ACP2: variants seen among roughly 807,000 people sequenced by gnomAD.
ACP2 encodes the protein lysosomal acid phosphatase.
In ACP2, 35 loss-of-function variants were observed where a neutral mutation model predicts 54.7. That is an observed-to-expected ratio of 0.64 (90% CI 0.49 to 0.85). ACP2 has a LOEUF of 0.85. Among genes scored for constraint, ACP2 ranks in the 40% least tolerant of loss-of-function variants. The probability of loss-of-function intolerance (pLI) is 0.00; values close to 1 mark genes in which losing one functional copy is unlikely to be tolerated. For synonymous variants in ACP2, 210 were observed against 224.4 expected, an observed-to-expected ratio of 0.94 and a Z score of 0.57; for missense variants, 492 against 565.0, an observed-to-expected ratio of 0.87 and a Z score of 1.31.
At chr11:47,247,336 C>T in intron 3 of ACP2, 1 of 477,276 alleles carries the variant, frequency 2.1e-6, no homozygotes, top group East Asian at 4.1e-5. Context: ...CAGTCCTTGG[C>T]CTTTAATAGG....
Position 47,248,697 on chromosome 11 carries a change from C to G in ACP2, c.93G>C (p.Arg31=), listed in dbSNP as rs778545443. Residue 31 remains arginine (R), a synonymous_variant, in exon 1 of 11, where the codon CGG becomes CGC. Coordinates refer to ENST00000672073, the MANE Select transcript of ACP2 (RefSeq NM_001610.4). The part of the protein sequence containing the change: ...NLVVMPPTRA[R]SLRFVTLLYR... ...TTACCAAGGTAACGAAGCGCAGACT[C>G]CGGGCCCGGGTGGGCGGCATCACCA... 9.9e-6 allele frequency: 16 copies of G among 1,612,046 alleles called. No individual in the cohort carries two copies. The East Asian group carries it at 3.6e-4, about 36-fold the overall frequency.
chr11:47,245,029 T>G, intron 6 of ACP2, 162 bp from the exon 7 acceptor site: 1 of 1,348,848 alleles, frequency 7.4e-7, no homozygotes, highest in Non-Finnish European at 1.0e-6. Flanking sequence ...TGTGGATGCT[T>G]CAGGGCACAG....
chr11:47,248,474 G>C, intron 1 of ACP2: 1 of 1,548,396 alleles, frequency 6.5e-7, no homozygotes, highest in South Asian at 1.2e-5. Context: ...CCTGTCTCAA[G>C]GCAGACTCAC....
In ACP2 at chr11:47,244,837, C is replaced by T; in HGVS notation, c.670G>A (p.Ala224Thr). The change falls in exon 7 of 11, where the codon GCC (alanine) becomes ACC (threonine). Residue 224 changes from alanine (A) to threonine (T), a missense_variant. Transcript: ENST00000672073. Reference sequence around the variant, plus strand: ...AGACGCTGCATGGTTTGGGGTGAGGCCCAGGGCGGCAGGCGCAGCCCGTGC... The same window carrying T: ...AGACGCTGCATGGTTTGGGGTGAGGTCCAGGGCGGCAGGCGCAGCCCGTGC... Reference protein sequence around the residue: ...QTHGLRLPPWASPQTMQRLSR... With the variant: ...QTHGLRLPPWTSPQTMQRLSR... 6.2e-7 allele frequency: 1 copy of T among 1,611,042 alleles called. No individual in the cohort carries two copies. Among genetic ancestry groups the T allele is most frequent in the Non-Finnish European group, 8.5e-7 (1 of 1,177,724 alleles).
At chr11:47,248,172 T>TC (rs1363895775) in intron 1 of ACP2, 39 bp from the exon 2 acceptor site, 2 of 1,539,460 alleles carry the variant, frequency 1.3e-6, no homozygotes, top group African/African-American at 2.8e-5. Flanking sequence ...GTCAGAAGCA[T>TC]CCCCTTGATA....
At chr11:47,245,109 G>T (rs1954017391) in intron 6 of ACP2, 196 bp downstream of exon 6, 3 of 893,700 alleles carry the variant, frequency 3.4e-6, no homozygotes, top group Non-Finnish European at 5.4e-6. Context: ...AGCAGGGACT[G>T]CTGACAATTA....
chr11:47,243,262 G>A lies in ACP2; in HGVS notation c.832C>T (p.Pro278Ser). 2 of 1,614,250 alleles carry A rather than the reference G, an allele frequency of 1.2e-6. No individual in the cohort carries two copies. The highest frequency in any genetic ancestry group is 1.7e-6 in the Non-Finnish European group (2 of 1,180,046). ...ACCGCAGAGTAAACCAGCAGCTTGG[G>A]GAGCTGGGAGGTGGTCGCCATTAGG... is the stretch of plus-strand genomic sequence containing the variant. ...LTLMATTSQL[P>S]KLLVYSAHDT... Residue 278 changes from proline (P) to serine (S), a missense_variant, in exon 8 of 11, where the codon CCC becomes TCC. Transcript: ENST00000672073.
chr11:47,248,646 G>A (rs1954332840), intron 1 of ACP2, 30 bp downstream of exon 1: 5 of 1,593,204 alleles, frequency 3.1e-6, no homozygotes, highest in East Asian at 2.3e-5. Context: ...TAGCTTCAGG[G>A]AAGTCTTTGG....
intron 3 of ACP2, 23 bp from the exon 4 acceptor site, chr11:47,245,857 CGTGTGTGTGT>C (rs58712815): frequency 8.2e-6 from 12 of 1,472,008 alleles, no homozygotes; most frequent in South Asian, 2.8e-5. Context: ...CAACACAAGT[CGTGTGTGTGT>C]GTGTGTGTGT....
At chr11:47,243,429 C>CA in intron 7 of ACP2, 108 bp from the exon 8 acceptor site, 1 of 848,802 alleles carries the variant, frequency 1.2e-6, no homozygotes, top group South Asian at 1.6e-5. Context: ...TCATCACCTA[C>CA]ACGGAGAACT....
At chr11:47,242,995 A>G in intron 9 of ACP2, 23 bp downstream of exon 9, 4 of 1,613,922 alleles carry the variant, frequency 2.5e-6, no homozygotes, top group East Asian at 2.2e-5. Context: ...CCCCCTCCAG[A>G]GGACACTGCT....
intron 10 of ACP2, 101 bp from the exon 11 acceptor site, chr11:47,240,350 G>T: frequency 1.5e-6 from 1 of 654,760 alleles, no homozygotes. Context: ...CCAAGACAGA[G>T]TCCCTGCTCT....
At chr11:47,247,326 C>T (rs532355135) in intron 3 of ACP2, 18 of 455,614 alleles carry the variant, frequency 4.0e-5, no homozygotes, top group African/African-American at 3.4e-4. Context: ...AGTGCTAGCA[C>T]AGTCCTTGGC....
Position 47,244,806 on chromosome 11 carries a change from C to G in ACP2, c.701G>C (p.Arg234Pro). The G allele has an allele frequency of 6.2e-7, 1 of 1,612,988 alleles. No individual in the cohort carries two copies. ...ASPQTMQRLS[R>P]LKDFSFRFLF... ...GAAGCGGAAGCTGAAGTCCTTTAGC[C>G]GGCTGAGACGCTGCATGGTTTGGGG... The change falls in exon 7 of 11, where the codon CGG becomes CCG. Residue 234 changes from arginine (R) to proline (P), a missense_variant. Physicochemically the swap from Arg to Pro is moderately radical, Grantham distance 103. Transcript: ENST00000672073.
rs200104071 is a variant in ACP2 at position 47,245,458 on chromosome 11, C to T, written c.549+16G>A. 31 of 1,614,218 alleles carry T rather than the reference C, an allele frequency of 1.9e-5. No homozygotes were observed. The highest frequency in any genetic ancestry group is 2.5e-5 in the Non-Finnish European group (29 of 1,180,030). ...GAAAAGACAGCGTGGTGAGCTGCAC[C>T]TCTGCCCCCACTCACTGCATTCCGA... On this transcript the variant is annotated intron_variant, in intron 5 of 10. Coordinates refer to ENST00000672073, the MANE Select transcript of ACP2 (RefSeq NM_001610.4).
chr11:47,243,768 G>C (rs959604262), intron 7 of ACP2, among the ~76,000 whole-genome samples: 3 of 152,132 alleles, frequency 2.0e-5, no homozygotes, highest in African/African-American at 7.2e-5. Flanking sequence ...TCTCAAAATG[G>C]CCCCCAGTGG....
At chr11:47,247,574 C>T (rs775095071) in intron 3 of ACP2, 67 bp downstream of exon 3, 2 of 1,582,614 alleles carry the variant, frequency 1.3e-6, no homozygotes, top group Non-Finnish European at 1.7e-6. Context: ...CAGCCTTAGG[C>T]TCCCTGAGGG....
Position 47,247,683 on chromosome 11 carries a change from C to T in ACP2, c.255G>A (p.Gln85=), listed in dbSNP as rs1954226078. Residue 85 remains glutamine (Q), a synonymous_variant, in exon 3 of 11, where the codon CAG becomes CAA. Transcript: ENST00000672073. ...AGGTGTTTAGGAAGCCGTGATAGCG[C>T]TGCCGCAGGGCCTGGCCCAGTTCCC... is the stretch of plus-strand genomic sequence containing the variant. ...QHWELGQALR[Q]RYHGFLNTSY... 7.4e-6 allele frequency: 12 copies of T among 1,614,038 alleles called. No individual in the cohort carries two copies. Among genetic ancestry groups the T allele is most frequent in the Non-Finnish European group, 1.0e-5 (12 of 1,180,058 alleles).
Position 47,243,077 on chromosome 11 carries a change from AT to A in ACP2, c.902del (p.Asn301MetfsTer81). On this transcript the variant is annotated frameshift_variant, in exon 9 of 11. Coordinates refer to ENST00000672073, the MANE Select transcript of ACP2 (RefSeq NM_001610.4). LOFTEE classifies it high-confidence loss of function. Reference protein sequence around the residue: ...VALQMALDVYNGEQAPYASCH... With the variant: ...VALQMALDVYXGEQAPYASCH... ...AGGAGGCGTAGGGGGCTTGTTCACC[AT>A]TGTAGACATCCAGTGCCATTTGCAG... 1 of 1,614,200 alleles carries A rather than the reference AT, an allele frequency of 6.2e-7. No homozygotes were observed. Among genetic ancestry groups the A allele is most frequent in the Non-Finnish European group, 8.5e-7 (1 of 1,180,034 alleles).
Sources: allele counts gnomAD v4.1 joint callset (sites outside exome capture counted in the v4.1 genomes callset), GRCh38; gene constraint gnomAD v4.1.1; transcripts MANE v1.5; gene names NCBI Gene and HGNC (gene_info 2026-07-23, HGNC 2026-07-21).